EHBP1: variants seen among roughly 807,000 people sequenced by gnomAD.
EHBP1 encodes the protein EH domain-binding protein 1.
EHBP1 carries 55 observed loss-of-function variants against 144.0 expected under a neutral mutation model. The ratio of observed to expected loss-of-function variants is 0.38; its 90% CI spans 0.31 to 0.48. The LOEUF (loss-of-function observed/expected upper bound fraction) is 0.48. EHBP1 is among the 20% of genes least tolerant of loss of function. The pLI, the probability that EHBP1 is intolerant of heterozygous loss-of-function variation, is 0.98. For missense variants in EHBP1, 1,200 were observed against 1,364.2 expected, an observed-to-expected ratio of 0.88 and a Z score of 1.90; for synonymous variants, 469 against 472.7, an observed-to-expected ratio of 0.99 and a Z score of 0.10.
chr2:62,676,532 G>A (rs2151719893), intron 1 of EHBP1, among the ~76,000 whole-genome samples: 1 of 152,306 alleles, frequency 6.6e-6, no homozygotes, highest in South Asian at 2.1e-4. Flanking sequence ...TAAAGCCACG[G>A]GTTAGCCTGT....
chr2:62,840,600 G>A (rs1242162520), intron 7 of EHBP1, among the ~76,000 whole-genome samples: 1 of 151,508 alleles, frequency 6.6e-6, no homozygotes, highest in Non-Finnish European at 1.5e-5. Flanking sequence ...TCTGACAAAG[G>A]GCTAATATCC....
chr2:62,934,682 G>C (rs1325249715), intron 10 of EHBP1, among the ~76,000 whole-genome samples: 1 of 152,158 alleles, frequency 6.6e-6, no homozygotes, highest in Non-Finnish European at 1.5e-5. Context: ...ACACACAACT[G>C]TCAGATTCCC....
intron 19 of EHBP1, among the ~76,000 whole-genome samples, chr2:63,021,384 C>T (rs970938316): frequency 3.3e-5 from 5 of 152,068 alleles, no homozygotes; most frequent in Non-Finnish European, 7.4e-5. Context: ...GTTTTGTGAA[C>T]GCCATAATTT....
chr2:62,814,698 A>G (rs2152545196), intron 5 of EHBP1, among the ~76,000 whole-genome samples: 1 of 152,368 alleles, frequency 6.6e-6, no homozygotes, highest in Non-Finnish European at 1.5e-5. Flanking sequence ...ATGTTAAGGC[A>G]TAGCTTCTAA....
intron 19 of EHBP1, among the ~76,000 whole-genome samples, chr2:63,032,410 T>C (rs1331509980): frequency 1.3e-5 from 2 of 149,976 alleles, no homozygotes; most frequent in Non-Finnish European, 3.0e-5. Context: ...CTACTGAAAA[T>C]ACAAAAAATT....
intron 2 of EHBP1, among the ~76,000 whole-genome samples, chr2:62,736,020 C>T (rs1200209481): frequency 2.0e-5 from 3 of 151,714 alleles, no homozygotes; most frequent in African/African-American, 7.3e-5. Context: ...TTGGTGTTCT[C>T]TGAGGTTCCT....
At chr2:62,970,131 C>G (rs1304569087) in intron 14 of EHBP1, among the ~76,000 whole-genome samples, 2 of 143,866 alleles carry the variant, frequency 1.4e-5, no homozygotes, top group Non-Finnish European at 3.0e-5. Flanking sequence ...TGCCTAATAA[C>G]AGAGTCTTGC....
chr2:62,768,713 A>G (rs1323081234), intron 4 of EHBP1, among the ~76,000 whole-genome samples: 2 of 152,190 alleles, frequency 1.3e-5, no homozygotes, highest in Non-Finnish European at 2.9e-5. Context: ...AGACACAACA[A>G]AAGAAAACTT....
At position 62,747,447 on chromosome 2, in the gene EHBP1, T is replaced by G. The variant is rs923534626; in HGVS notation, c.157T>G (p.Ser53Ala). The change falls in exon 3 of 23, where the codon TCT becomes GCT. Residue 53 changes from serine (S) to alanine (A), a missense_variant. Physicochemically the swap from Ser to Ala is moderately conservative, Grantham distance 99. Around this residue, in one of 6 missense-constraint regions of EHBP1, gnomAD observed 137 missense variants for 190.1 expected, o/e 0.72. Transcript: ENST00000431489. The stretch of plus-strand genomic sequence containing the variant: ...GACCAGAAGAAGCCGAAGGAAGTCT[T>G]CTAAGGTTAGTGTATTTTCTAAATT... ...VWTRRSRRKS[S>A]KAHSWQPGIK... 3 of 1,606,692 alleles carry G rather than the reference T, an allele frequency of 1.9e-6. No homozygotes were observed. The African/African-American group carries it at 4.0e-5, about 22-fold the overall frequency.
chr2:62,727,485 C>A (rs1354057780), intron 2 of EHBP1, among the ~76,000 whole-genome samples: 1 of 152,110 alleles, frequency 6.6e-6, no homozygotes, highest in Non-Finnish European at 1.5e-5. Context: ...TGGAACTCCC[C>A]TCCCCACTCA....
At chr2:62,915,080 T>C (rs914004282) in intron 10 of EHBP1, among the ~76,000 whole-genome samples, 2 of 152,070 alleles carry the variant, frequency 1.3e-5, no homozygotes, top group African/African-American at 4.8e-5. Context: ...CATTCCTAGA[T>C]CGGCATTTCC....
intron 14 of EHBP1, among the ~76,000 whole-genome samples, chr2:62,962,920 T>C (rs1414412538): frequency 1.3e-5 from 2 of 152,220 alleles, no homozygotes; most frequent in African/African-American, 4.8e-5. Flanking sequence ...TTTAATCTGT[T>C]AGCATAATGG....
intron 19 of EHBP1, among the ~76,000 whole-genome samples, chr2:63,003,245 A>G (rs547461979): frequency 3.3e-4 from 50 of 152,064 alleles, no homozygotes; most frequent in Admixed American, 1.3e-3. Flanking sequence ...ACGTAATTGA[A>G]TTAGCAGAGC....
At chr2:62,754,197 G>A (rs1352338693) in intron 3 of EHBP1, among the ~76,000 whole-genome samples, 2 of 152,168 alleles carry the variant, frequency 1.3e-5, no homozygotes, top group Non-Finnish European at 2.9e-5. Flanking sequence ...CTGTTTGTTA[G>A]TTTCCCATCT....
chr2:62,893,893 A>G (rs1573938891), intron 10 of EHBP1, among the ~76,000 whole-genome samples: 2 of 152,250 alleles, frequency 1.3e-5, no homozygotes, highest in African/African-American at 4.8e-5. Context: ...CAAATACAAA[A>G]AATTAGCTGA....
chr2:62,917,720 C>A (rs2054749963), intron 10 of EHBP1, among the ~76,000 whole-genome samples: 1 of 152,140 alleles, frequency 6.6e-6, no homozygotes, highest in Admixed American at 6.5e-5. Context: ...AATTGCATGG[C>A]TAAATCATGC....
At chr2:62,980,297 G>T (rs564168624) in intron 15 of EHBP1, among the ~76,000 whole-genome samples, 1 of 152,150 alleles carries the variant, frequency 6.6e-6, no homozygotes, top group Non-Finnish European at 1.5e-5. Flanking sequence ...CACATGTGCA[G>T]TTCACAATAG....
Position 62,911,450 on chromosome 2 carries a change from G to C in EHBP1, c.1186-31268G>C, listed in dbSNP as rs1054360648. 3.3e-5 allele frequency among the ~76,000 whole-genome samples: 5 copies of C among 151,960 alleles called. No homozygotes were observed. The South Asian group carries it at 1.0e-3, about 32-fold the overall frequency. On this transcript the variant is annotated intron_variant, in intron 10 of 22. Transcript: ENST00000431489. ...TTTTTTAACTTTCCTGTCCTGTTTA[G>C]GAACTTTTATTTCATTTTATCTTAT...
intron 1 of EHBP1, among the ~76,000 whole-genome samples, chr2:62,679,977 C>T (rs1401769258): frequency 6.6e-6 from 1 of 152,224 alleles, no homozygotes; most frequent in Non-Finnish European, 1.5e-5. Context: ...TAATCCCCAA[C>T]TCTTCCATTC....
Sources: gnomAD v4.1 joint callset for allele counts (sites outside exome capture counted in the v4.1 genomes callset) on GRCh38, gnomAD v4.1.1 for gene constraint, gnomAD v4.1.1 regional missense constraint, MANE v1.5 for transcripts, NCBI Gene and HGNC (gene_info 2026-07-23, HGNC 2026-07-21) for gene names.